ATP9A: variants seen among roughly 807,000 people sequenced by gnomAD.
The protein encoded by ATP9A is ATPase phospholipid transporting 9A, also known as probable phospholipid-transporting ATPase IIA.
A neutral mutation model predicts 144.1 loss-of-function variants in ATP9A; 52 were observed. The observed-to-expected ratio is 0.36, with a 90% CI of 0.29 to 0.45. The LOEUF (loss-of-function observed/expected upper bound fraction) is 0.45. Ranked by LOEUF, ATP9A falls within the 20% of genes least tolerant of loss-of-function variation. ATP9A has a pLI of 1.00. For missense variants in ATP9A, 947 were observed against 1,392.7 expected (o/e 0.68, Z 5.09); for synonymous variants, 582 against 557.4 (o/e 1.04, Z -0.62).
At chr20:51,655,355 G>A (rs2077382656) in intron 14 of ATP9A, among the ~76,000 whole-genome samples, 1 of 152,182 alleles carries the variant, frequency 6.6e-6, no homozygotes, top group South Asian at 2.1e-4. Context: ...TCTGGGAGAT[G>A]GAGCCGGGAA....
chr20:51,745,963 T>C lies in ATP9A; in HGVS notation c.69-15985A>G, dbSNP rs936782909. ...TCAAAGACAGACTGGATAAAGAAAA[T>C]GTAGTACATATGCACATGGAATACT... On this transcript the variant is annotated intron_variant, in intron 1 of 27. Transcript: ENST00000338821. Among the ~76,000 whole-genome samples, 7 of 152,042 alleles carry C rather than the reference T, an allele frequency of 4.6e-5. 1 individual carries two copies. The highest frequency in any genetic ancestry group is 3.3e-4 in the Admixed American group (5 of 15,268).
chr20:51,627,492 C>A, intron 17 of ATP9A, 108 bp downstream of exon 17: 1 of 1,009,982 alleles, frequency 9.9e-7, no homozygotes, highest in South Asian at 1.4e-5. Flanking sequence ...ACCCAGTGTG[C>A]CCAGAAATGA....
At chr20:51,615,044 TTA>T (rs1392512657) in intron 22 of ATP9A, among the ~76,000 whole-genome samples, 1 of 135,374 alleles carries the variant, frequency 7.4e-6, no homozygotes, top group South Asian at 2.7e-4. Context: ...AGCATGAATA[TTA>T]TATAGTAGCA....
rs185401021 is a variant in ATP9A at position 51,712,431 on chromosome 20, G to A, written c.436+535C>T. The stretch of plus-strand genomic sequence containing the variant: ...CATATAACTCTGACATACACAACTG[G>A]TCATTTATTTTTGGATCAGACTCCA... On this transcript the variant is annotated intron_variant, in intron 4 of 27. Coordinates refer to ENST00000338821, the MANE Select transcript of ATP9A (RefSeq NM_006045.3). 3.0e-3 allele frequency among the ~76,000 whole-genome samples: 453 copies of A among 152,232 alleles called. 3 individuals carry two copies. The highest frequency in any genetic ancestry group is 0.01 in the African/African-American group (423 of 41,542).
At chr20:51,697,384 T>C (rs750356514) in intron 5 of ATP9A, 40 bp downstream of exon 5, 69 of 1,590,200 alleles carry the variant, frequency 4.3e-5, no homozygotes, top group Non-Finnish European at 3.5e-5. Flanking sequence ...TTAGGACCCA[T>C]GAAGTGGTAT....
At chr20:51,607,492 G>T (rs200339048) in intron 26 of ATP9A, 35 bp downstream of exon 26, 6 of 1,560,386 alleles carry the variant, frequency 3.8e-6, no homozygotes, top group African/African-American at 1.4e-5. Flanking sequence ...CAGTACCAGA[G>T]CACAAGACAA....
In ATP9A at chr20:51,607,515, A is replaced by G; in HGVS notation, c.2803+12T>C. 2 of 1,606,060 alleles carry G rather than the reference A, an allele frequency of 1.2e-6. No homozygotes were observed. The highest frequency in any genetic ancestry group is 1.7e-6 in the Non-Finnish European group (2 of 1,173,106). The stretch of plus-strand genomic sequence containing the variant: ...GAGCACAAGACAAACAGGTGTCTCC[A>G]CTCATCCTTACCTTGATAGATGCTA... On this transcript the variant is annotated intron_variant, in intron 26 of 27. Transcript: ENST00000338821.
chr20:51,689,221 A>AGAT, intron 8 of ATP9A, 82 bp from the exon 9 acceptor site: 1 of 1,393,424 alleles, frequency 7.2e-7, no homozygotes, highest in South Asian at 1.2e-5. Context: ...GGTCCGCTGG[A>AGAT]GATAGAAAGA....
At chr20:51,711,488 T>C (rs1288317837) in intron 4 of ATP9A, among the ~76,000 whole-genome samples, 1 of 152,192 alleles carries the variant, frequency 6.6e-6, no homozygotes, top group Non-Finnish European at 1.5e-5. Context: ...CTAACCATCT[T>C]ATCTCTTTCC....
intron 1 of ATP9A, among the ~76,000 whole-genome samples, chr20:51,739,698 G>A (rs6067915): frequency 0.23 from 35,442 of 152,112 alleles, 4,461 homozygotes; most frequent in Non-Finnish European, 0.27. Context: ...CATGATGTGC[G>A]CAGGCTCCAG....
chr20:51,714,647 C>T (rs765834350), intron 3 of ATP9A, among the ~76,000 whole-genome samples: 4 of 152,188 alleles, frequency 2.6e-5, no homozygotes, highest in East Asian at 1.9e-4. Context: ...GGATTACCGG[C>T]GTGAGCCACC....
chr20:51,637,538 C>A (rs369289273), intron 15 of ATP9A, among the ~76,000 whole-genome samples: 1 of 151,950 alleles, frequency 6.6e-6, no homozygotes, highest in Non-Finnish European at 1.5e-5. Context: ...GGAAGAAGAA[C>A]GAGATGCTGT....
At chr20:51,702,460 A>G (rs1394855228) in intron 4 of ATP9A, among the ~76,000 whole-genome samples, 1 of 151,840 alleles carries the variant, frequency 6.6e-6, no homozygotes, top group Non-Finnish European at 1.5e-5. Context: ...AAAAGCAGCA[A>G]GAAGAAAAGA....
chr20:51,634,618 G>A (rs913196014), intron 15 of ATP9A, among the ~76,000 whole-genome samples: 1 of 152,100 alleles, frequency 6.6e-6, no homozygotes, highest in Non-Finnish European at 1.5e-5. Context: ...CACTTTGGGA[G>A]GCCGAGGTGG....
intron 15 of ATP9A, among the ~76,000 whole-genome samples, chr20:51,635,033 C>CG (rs397818604): frequency 6.6e-6 from 1 of 151,366 alleles, no homozygotes; most frequent in East Asian, 1.9e-4. Flanking sequence ...AGCCACCCCC[C>CG]TGGAGTGGAG....
intron 14 of ATP9A, among the ~76,000 whole-genome samples, chr20:51,655,671 C>T (rs528739667): frequency 8.5e-5 from 13 of 152,200 alleles, no homozygotes; most frequent in African/African-American, 3.1e-4. Context: ...AACTGTCATA[C>T]GTTGCTGGTA....
intron 3 of ATP9A, among the ~76,000 whole-genome samples, chr20:51,724,300 A>G (rs1232079304): frequency 1.3e-5 from 2 of 152,168 alleles, no homozygotes; most frequent in Non-Finnish European, 2.9e-5. Context: ...CAGTTTGGAG[A>G]AAAAAGGGTA....
chr20:51,763,096 C>T (rs923018868), intron 1 of ATP9A, among the ~76,000 whole-genome samples: 1 of 151,990 alleles, frequency 6.6e-6, no homozygotes, highest in African/African-American at 2.4e-5. Context: ...AAAGGCAACA[C>T]GTGGTGTGAT....
chr20:51,722,923 G>A (rs1358172257), intron 3 of ATP9A, among the ~76,000 whole-genome samples: 1 of 152,154 alleles, frequency 6.6e-6, no homozygotes, highest in African/African-American at 2.4e-5. Context: ...TTGCAAAATC[G>A]TGGAACCAAC....
Sources: gnomAD v4.1 joint callset for allele counts (sites outside exome capture counted in the v4.1 genomes callset) on GRCh38, gnomAD v4.1.1 for gene constraint, MANE v1.5 for transcripts, NCBI Gene and HGNC (gene_info 2026-07-23, HGNC 2026-07-21) for gene names.